The following AGBL2 variants were observed in gnomAD, a reference collection of about 807,000 sequenced individuals.
The protein encoded by AGBL2 is cytosolic carboxypeptidase 2.
In AGBL2, 87 loss-of-function variants were observed where a neutral mutation model predicts 103.0. The ratio of observed to expected loss-of-function variants is 0.84; its 90% CI spans 0.71 to 1.01. AGBL2 has a LOEUF of 1.01. AGBL2 is among the 50% of genes least tolerant of loss of function. The pLI is 0.00. For missense variants in AGBL2, 904 were observed against 1,023.5 expected (o/e 0.88, Z 1.59); for synonymous variants, 335 against 356.7 (o/e 0.94, Z 0.69).
At chr11:47,673,709 G>A (rs2097364556) in intron 14 of AGBL2, among the ~76,000 whole-genome samples, 1 of 148,940 alleles carries the variant, frequency 6.7e-6, no homozygotes, top group Non-Finnish European at 1.5e-5. Flanking sequence ...CAGGAGAATT[G>A]CTTGAACCCG....
chr11:47,707,560 A>T (rs531769105), intron 4 of AGBL2, among the ~76,000 whole-genome samples: 1 of 152,136 alleles, frequency 6.6e-6, no homozygotes, highest in African/African-American at 2.4e-5. Flanking sequence ...ACCTGCCCCC[A>T]TGATTCAATT....
At chr11:47,710,142 G>A in intron 4 of AGBL2, 1 of 459,742 alleles carries the variant, frequency 2.2e-6, no homozygotes, top group Non-Finnish European at 3.9e-6. Flanking sequence ...TCCCACCTCA[G>A]CCTCCCAAAG....
intron 1 of AGBL2, 156 bp downstream of exon 1, chr11:47,715,019 G>A (rs978462049): frequency 4.4e-6 from 1 of 224,828 alleles, no homozygotes; most frequent in African/African-American, 2.3e-5. Context: ...GGGAGCACGC[G>A]ACGAAGTCGT....
Position 47,667,698 on chromosome 11 carries a change from T to G in AGBL2, c.2215-2A>C. On this transcript the variant is annotated splice_acceptor_variant, in intron 15 of 18. Coordinates refer to ENST00000525123, the MANE Select transcript of AGBL2 (RefSeq NM_024783.4). LOFTEE classifies it high-confidence loss of function. ...AAACATCTTCTTTTTCTGAGTCAGC[T>G]ATTCCAGAAAGTAGAGAAACTGGTC... is the stretch of plus-strand genomic sequence containing the variant. 1 of 1,609,400 alleles carries G rather than the reference T, an allele frequency of 6.2e-7. No individual in the cohort carries two copies. Among genetic ancestry groups the G allele is most frequent in the Non-Finnish European group, 8.5e-7 (1 of 1,179,292 alleles).
Position 47,681,670 on chromosome 11 carries a change from C to T in AGBL2, c.1915+299G>A, listed in dbSNP as rs564941107. Among the ~76,000 whole-genome samples the T allele has an allele frequency of 1.5e-4, 23 of 152,286 alleles. No homozygotes were observed. In the South Asian group the frequency reaches 1.7e-3, roughly 11 times the overall value. ...AGATGGGGTTTCACCATGTTGGTCA[C>T]GCTGGTCTTGATCTCCTGACCTCGT... On this transcript the variant is annotated intron_variant, in intron 12 of 18. Transcript: ENST00000525123.
intron 12 of AGBL2, 83 bp from the exon 13 acceptor site, chr11:47,680,156 A>G: frequency 2.1e-6 from 2 of 960,696 alleles, no homozygotes; most frequent in Non-Finnish European, 3.1e-6. Flanking sequence ...TATCTTTTTA[A>G]AAATACCACC....
At chr11:47,682,147 A>T in intron 11 of AGBL2, 52 bp from the exon 12 acceptor site, 1 of 1,531,434 alleles carries the variant, frequency 6.5e-7, no homozygotes. Context: ...AATGTAAAAT[A>T]TCTAAGATTC....
intron 18 of AGBL2, 22 bp downstream of exon 18, chr11:47,663,004 T>C: frequency 6.5e-7 from 1 of 1,529,378 alleles, no homozygotes; most frequent in Non-Finnish European, 9.0e-7. Flanking sequence ...TATAAGTATA[T>C]ACAGTATATT....
chr11:47,689,250 C>T (rs1424921078), intron 10 of AGBL2, among the ~76,000 whole-genome samples: 2 of 151,458 alleles, frequency 1.3e-5, no homozygotes. Context: ...TCTACTTTGT[C>T]ACTTAATAGC....
chr11:47,706,020 C>G (rs2097517642), intron 4 of AGBL2, 103 bp from the exon 5 acceptor site: 1 of 885,652 alleles, frequency 1.1e-6, no homozygotes, highest in Non-Finnish European at 1.9e-6. Flanking sequence ...TCACTCTGGA[C>G]CCCTGCATTT....
chr11:47,692,716 A>G (rs2097452931), intron 8 of AGBL2, among the ~76,000 whole-genome samples: 1 of 151,846 alleles, frequency 6.6e-6, no homozygotes, highest in Non-Finnish European at 1.5e-5. Context: ...CTGGCCATCC[A>G]ACATCAATTT....
chr11:47,706,525 AT>A (rs2097520390), intron 4 of AGBL2, among the ~76,000 whole-genome samples: 2 of 152,158 alleles, frequency 1.3e-5, no homozygotes, highest in East Asian at 1.9e-4. Context: ...CAAAAAAAAA[AT>A]AAATAAAAAT....
intron 4 of AGBL2, among the ~76,000 whole-genome samples, chr11:47,707,580 C>G (rs1047258918): frequency 1.3e-5 from 2 of 152,110 alleles, no homozygotes; most frequent in Non-Finnish European, 2.9e-5. Context: ...TACCTCCCAC[C>G]AGGTCCCTCC....
intron 14 of AGBL2, among the ~76,000 whole-genome samples, chr11:47,676,654 C>T (rs2097375613): frequency 1.3e-5 from 2 of 151,956 alleles, no homozygotes; most frequent in South Asian, 4.1e-4. Flanking sequence ...CCCATCTCTA[C>T]TAAAAATACA....
intron 7 of AGBL2, among the ~76,000 whole-genome samples, chr11:47,700,931 C>A (rs2097496278): frequency 6.6e-6 from 1 of 151,130 alleles, no homozygotes; most frequent in Non-Finnish European, 1.5e-5. Flanking sequence ...TTACAGTGGG[C>A]ACCTGTAATC....
rs1280855319 is a variant in AGBL2 at position 47,659,929 on chromosome 11, C to T, written c.*244G>A. The T allele has an allele frequency of 2.0e-4, 73 of 373,868 alleles. No individual in the cohort carries two copies. Among genetic ancestry groups the T allele is most frequent in the Non-Finnish European group, 3.2e-4 (67 of 210,922 alleles). 23.2% of individuals were successfully genotyped at this position (373,868 alleles called of 1,614,324 possible). A position where few individuals can be genotyped will look rare whatever the true frequency, so the allele number is the denominator to read the frequency against. On this transcript the variant is annotated 3_prime_UTR_variant, in exon 19 of 19. Coordinates refer to ENST00000525123, the MANE Select transcript of AGBL2 (RefSeq NM_024783.4). Reference sequence around the variant, plus strand: ...GTGCCATGAGAACACACTTCAGTTTCTGATAAAGCATTTTTACACATCATA... The same window carrying T: ...GTGCCATGAGAACACACTTCAGTTTTTGATAAAGCATTTTTACACATCATA...
intron 18 of AGBL2, 115 bp downstream of exon 18, chr11:47,662,911 C>T (rs909401885): frequency 2.0e-5 from 18 of 888,932 alleles, no homozygotes; most frequent in African/African-American, 1.7e-4. Flanking sequence ...AGAACGAATC[C>T]GAGAAGGTAA....
Position 47,660,162 on chromosome 11 carries a change from C to T in AGBL2, c.*11G>A. The T allele has an allele frequency of 1.2e-6, 2 of 1,603,754 alleles. No homozygotes were observed. Among genetic ancestry groups the T allele is most frequent in the Non-Finnish European group, 8.5e-7 (1 of 1,174,826 alleles). ...CCGATGAAGTGCTTGTGTGGCACAGCCCAGGCTCACCTACGGGTATGTGTA... is the reference window on the plus strand; with the variant it reads ...CCGATGAAGTGCTTGTGTGGCACAGTCCAGGCTCACCTACGGGTATGTGTA... On this transcript the variant is annotated 3_prime_UTR_variant, in exon 19 of 19. Transcript: ENST00000525123.
chr11:47,668,825 TAA>T lies in AGBL2; in HGVS notation c.2214+14_2214+15del, dbSNP rs758082115. 18 of 1,606,478 alleles carry T rather than the reference TAA, an allele frequency of 1.1e-5. No homozygotes were observed. In the African/African-American group the frequency reaches 2.3e-4, roughly 20 times the overall value. ...TTTTAAGGCTGCTATTTCCTGGGTA[TAA>T]GAGTTCAGCTTACCTCATCTGCTAT... On this transcript the variant is annotated intron_variant, in intron 15 of 18. Coordinates refer to ENST00000525123, the MANE Select transcript of AGBL2 (RefSeq NM_024783.4).
Sources: gnomAD v4.1 joint callset for allele counts (sites outside exome capture counted in the v4.1 genomes callset) on GRCh38, gnomAD v4.1.1 for gene constraint, MANE v1.5 for transcripts, NCBI Gene and HGNC (gene_info 2026-07-23, HGNC 2026-07-21) for gene names.